Variants in NPAP1 observed in about 807,000 individuals in gnomAD.
NPAP1 encodes nuclear pore associated protein 1.
For synonymous variants in NPAP1, 616 were observed against 581.4 expected, an observed-to-expected ratio of 1.06 and a Z score of -0.86; for missense variants, 1,483 against 1,454.5, an observed-to-expected ratio of 1.02 and a Z score of -0.32.
In NPAP1 at chr15:24,679,360, TCACAC is replaced by T. The variant is rs747379281; in HGVS notation, c.*27_*31del. 1 of 1,491,310 alleles carries T rather than the reference TCACAC, an allele frequency of 6.7e-7. No homozygotes were observed. Among genetic ancestry groups the T allele is most frequent in the Non-Finnish European group, 9.3e-7 (1 of 1,074,630 alleles). 92.4% of individuals were successfully genotyped at this position (1,491,310 alleles called of 1,614,324 possible). A position where few individuals can be genotyped will look rare whatever the true frequency, so the allele number is the denominator to read the frequency against. On this transcript the variant is annotated 3_prime_UTR_variant, in exon 1 of 1. Transcript: ENST00000329468. ...GTAAGAGCACCTGTGGTTCACCTGATCACACCACATCAGTTGTGGTTGTAAATACC... is the reference window on the plus strand; with the variant it reads ...GTAAGAGCACCTGTGGTTCACCTGATCACATCAGTTGTGGTTGTAAATACC...
Position 24,677,949 on chromosome 15 carries a change from C to T in NPAP1, c.2082C>T (p.Pro694=), listed in dbSNP as rs372332991. The T allele has an allele frequency of 5.6e-6, 9 of 1,613,536 alleles. No individual in the cohort carries two copies. The highest frequency in any genetic ancestry group is 7.6e-6 in the Non-Finnish European group (9 of 1,179,942). Residue 694 remains proline, a synonymous_variant, in exon 1 of 1, where the codon CCC becomes CCT. Transcript: ENST00000329468. The part of the protein sequence containing the change: ...SASTASSSKP[P]IETNAMHTTP... ...CTACAGCATCATCATCCAAACCTCCCATTGAAACCAATGCTATGCATACCA... is the reference window on the plus strand; with the variant it reads ...CTACAGCATCATCATCCAAACCTCCTATTGAAACCAATGCTATGCATACCA...
rs1203429980 is a variant in NPAP1 at position 24,677,197 on chromosome 15, C to T, written c.1330C>T (p.Leu444Phe). ...ACCCCTCATCCTGCCTATCCCTCCA[C>T]TTTCCACCACACCAAAAATGGATGA... ...TGPLILPIPP[L>F]STTPKMDEKI... Residue 444 changes from leucine to phenylalanine, a missense_variant, in exon 1 of 1, where the codon CTT becomes TTT. Leu to Phe is a conservative substitution (Grantham distance 22, BLOSUM62 0). Coordinates refer to ENST00000329468, the MANE Select transcript of NPAP1 (RefSeq NM_018958.3). The T allele has an allele frequency of 6.2e-7, 1 of 1,614,122 alleles. No homozygotes were observed. The highest frequency in any genetic ancestry group is 8.5e-7 in the Non-Finnish European group (1 of 1,180,042).
rs755633967 is a variant in NPAP1 at position 24,679,376 on chromosome 15, G to A, written c.*38G>A. The stretch of plus-strand genomic sequence containing the variant: ...TTCACCTGATCACACCACATCAGTT[G>A]TGGTTGTAAATACCAGCATTATCCT... On this transcript the variant is annotated 3_prime_UTR_variant, in exon 1 of 1. Coordinates refer to ENST00000329468, the MANE Select transcript of NPAP1 (RefSeq NM_018958.3). 8 of 1,431,978 alleles carry A rather than the reference G, an allele frequency of 5.6e-6. No individual in the cohort carries two copies. In the Admixed American group the frequency reaches 1.4e-4, roughly 25 times the overall value. 88.7% of individuals were successfully genotyped at this position (1,431,978 alleles called of 1,614,324 possible).
In NPAP1 at chr15:24,676,810, G is replaced by T. The variant is rs552776488; in HGVS notation, c.943G>T (p.Ala315Ser). Reference sequence around the variant, plus strand: ...GCCTTTCTGTATTCCTCCAAGGAGCGCTGCTCCTCCCAGAGCTGCCCGCAA... The same window carrying T: ...GCCTTTCTGTATTCCTCCAAGGAGCTCTGCTCCTCCCAGAGCTGCCCGCAA... ...EKPFCIPPRSAAPPRAARNRP... is the reference protein window; with the variant it reads ...EKPFCIPPRSSAPPRAARNRP... The change falls in exon 1 of 1, where the codon GCT (alanine) becomes TCT (serine). Residue 315 changes from alanine to serine, a missense_variant. Transcript: ENST00000329468. 1.6e-5 allele frequency: 25 copies of T among 1,612,864 alleles called. No homozygotes were observed. The East Asian group carries it at 4.2e-4, about 27-fold the overall frequency.
In NPAP1 at chr15:24,679,255, G is replaced by C. The variant is rs2141314452; in HGVS notation, c.3388G>C (p.Glu1130Gln). 1 of 1,614,040 alleles carries C rather than the reference G, an allele frequency of 6.2e-7. No individual in the cohort carries two copies. Among genetic ancestry groups the C allele is most frequent in the Non-Finnish European group, 8.5e-7 (1 of 1,180,020 alleles). ...GTGCATCCTGCAGCACACATGGACA[G>C]AGAGAAAATTCTACACTTCAAGCAC... ...QQCILQHTWTERKFYTSSTHY... is the reference protein window; with the variant it reads ...QQCILQHTWTQRKFYTSSTHY... Residue 1130 changes from glutamate to glutamine, a missense_variant, in exon 1 of 1, where the codon GAG becomes CAG. By Grantham distance (29) the Glu-to-Gln change is conservative (BLOSUM62 2). Coordinates refer to ENST00000329468, the MANE Select transcript of NPAP1 (RefSeq NM_018958.3).
rs560584370 is a variant in NPAP1 at position 24,681,629 on chromosome 15, GC to G, written c.*2293del. 1.4e-3 allele frequency: 231 copies of G among 167,144 alleles called. 1 individual carries two copies. The highest frequency in any genetic ancestry group is 5.5e-3 in the African/African-American group (229 of 41,568). The allele number at this position is 167,144 out of a possible 1,614,324, so 10.4% of individuals were successfully genotyped here. Reference sequence around the variant, plus strand: ...ATACCAACAAGGTAACAGTCTGTAAGCCAGGAAAAGAGTCCTCACAAGAAAC... The same window carrying G: ...ATACCAACAAGGTAACAGTCTGTAAGCAGGAAAAGAGTCCTCACAAGAAAC... On this transcript the variant is annotated 3_prime_UTR_variant, in exon 1 of 1. Transcript: ENST00000329468.
At position 24,678,802 on chromosome 15, in the gene NPAP1, A is replaced by T; in HGVS notation, c.2935A>T (p.Thr979Ser). Residue 979 changes from threonine to serine, a missense_variant, in exon 1 of 1, where the codon ACT becomes TCT. Physicochemically the swap from Thr to Ser is moderately conservative, Grantham distance 58 (BLOSUM62 1). Transcript: ENST00000329468. Reference sequence around the variant, plus strand: ...TGCTTTCCCCAATGGCACAGCAAAGACTTCTGGATTTAGAATTGCCACTGG... The same window carrying T: ...TGCTTTCCCCAATGGCACAGCAAAGTCTTCTGGATTTAGAATTGCCACTGG... ...ASAFPNGTAK[T>S]SGFRIATGMP... 2.5e-6 allele frequency: 4 copies of T among 1,614,168 alleles called. No individual in the cohort carries two copies. The South Asian group carries it at 4.4e-5, about 18-fold the overall frequency.
rs372009647 is a variant in NPAP1 at position 24,678,674 on chromosome 15, T to C, written c.2807T>C (p.Leu936Pro). The C allele has an allele frequency of 6.2e-7, 1 of 1,614,204 alleles. No individual in the cohort carries two copies. Among genetic ancestry groups the C allele is most frequent in the African/African-American group, 1.3e-5 (1 of 75,066 alleles). ...TTAACATCTCCTTCAGTCCAGCCAC[T>C]GAGTGGCAGCATAATTCCACCAGGT... The part of the protein sequence containing the change: ...IGLTSPSVQP[L>P]SGSIIPPGFA... Residue 936 changes from leucine (L) to proline (P), a missense_variant, in exon 1 of 1, where the codon CTG becomes CCG. Coordinates refer to ENST00000329468, the MANE Select transcript of NPAP1 (RefSeq NM_018958.3).
At position 24,678,115 on chromosome 15, in the gene NPAP1, G is replaced by A. The variant is rs2141311877; in HGVS notation, c.2248G>A (p.Ala750Thr). The A allele has an allele frequency of 6.2e-7, 1 of 1,613,274 alleles. No homozygotes were observed. ...ASVQGSTSLP[A>T]QSVRAPATAS... ...AGTCCAAGGCTCCACCAGTTTGCCT[G>A]CACAGTCAGTCAGGGCACCAGCTAC... is the stretch of plus-strand genomic sequence containing the variant. The change falls in exon 1 of 1, where the codon GCA becomes ACA. Residue 750 changes from alanine to threonine, a missense_variant. By Grantham distance (58) the Ala-to-Thr change is moderately conservative. Transcript: ENST00000329468.
rs2141313310 is a variant in NPAP1, at chr15:24,678,726, T to C, written c.2859T>C (p.Thr953=). The change falls in exon 1 of 1, where the codon ACT becomes ACC. Residue 953 remains threonine (T), a synonymous_variant. Transcript: ENST00000329468. ...PGFAELTSPY[T]ALGTPVNAEP... ...TTGCAGAGTTAACATCACCATATAC[T>C]GCATTGGGCACACCTGTTAATGCTG... 1 of 1,614,184 alleles carries C rather than the reference T, an allele frequency of 6.2e-7. No homozygotes were observed. Among genetic ancestry groups the C allele is most frequent in the East Asian group, 2.2e-5 (1 of 44,874 alleles).
Position 24,677,309 on chromosome 15 carries a change from G to C in NPAP1, c.1442G>C (p.Gly481Ala), listed in dbSNP as rs142027848. The C allele has an allele frequency of 2.4e-5, 38 of 1,613,958 alleles. No homozygotes were observed. The African/African-American group carries it at 3.6e-4, about 15-fold the overall frequency. The change falls in exon 1 of 1, where the codon GGA (glycine) becomes GCA (alanine). Residue 481 changes from glycine (G) to alanine (A), a missense_variant. Coordinates refer to ENST00000329468, the MANE Select transcript of NPAP1 (RefSeq NM_018958.3). ...TTGGGTGATCAGTCTAATGAGAAAG[G>C]AGGCTCTTATAATTCAGTCGTAGGA... ...PILGDQSNEKGGSYNSVVGAA... is the reference protein window; with the variant it reads ...PILGDQSNEKAGSYNSVVGAA...
rs2141312982 is a variant in NPAP1, at chr15:24,678,598, G to T, written c.2731G>T (p.Asp911Tyr). 2.5e-6 allele frequency: 4 copies of T among 1,613,970 alleles called. No individual in the cohort carries two copies. Among genetic ancestry groups the T allele is most frequent in the Non-Finnish European group, 3.4e-6 (4 of 1,180,040 alleles). The change falls in exon 1 of 1, where the codon GAC (aspartate) becomes TAC (tyrosine). Residue 911 changes from aspartate to tyrosine, a missense_variant. Physicochemically the swap from Asp to Tyr is radical, Grantham distance 160 (BLOSUM62 -3). Coordinates refer to ENST00000329468, the MANE Select transcript of NPAP1 (RefSeq NM_018958.3). ...GGCCACTGATGGGCAGCAGAAGTCT[G>T]ACAGTTCTTTTATTCTGGGGAATCC... ...LGATDGQQKS[D>Y]SSFILGNPAT... is the part of the protein sequence containing the mutation.
In NPAP1 at chr15:24,677,372, G is replaced by A. The variant is rs778513450; in HGVS notation, c.1505G>A (p.Ser502Asn). The change falls in exon 1 of 1, where the codon AGC (serine) becomes AAC (asparagine). Residue 502 changes from serine to asparagine, a missense_variant. Transcript: ENST00000329468. Reference protein sequence around the residue: ...PLTSDPPTPPSSTPSFKPPVT... With the variant: ...PLTSDPPTPPNSTPSFKPPVT... ...ACTTCTGACCCCCCAACACCTCCTA[G>A]CTCCACACCCTCCTTCAAGCCTCCC... 6.2e-7 allele frequency: 1 copy of A among 1,613,948 alleles called. No individual in the cohort carries two copies. Among genetic ancestry groups the A allele is most frequent in the Non-Finnish European group, 8.5e-7 (1 of 1,179,972 alleles).
Position 24,678,075 on chromosome 15 carries a change from C to T in NPAP1, c.2208C>T (p.Ser736=), listed in dbSNP as rs758464262. 28 of 1,612,762 alleles carry T rather than the reference C, an allele frequency of 1.7e-5. No individual in the cohort carries two copies. Among genetic ancestry groups the T allele is most frequent in the Admixed American group, 8.3e-5 (5 of 59,890 alleles). ...GLPGSGNTQP[S]GNTASVQGST... Reference sequence around the variant, plus strand: ...CTGGTTCTGGGAACACACAACCCAGCGGCAACACTGCCTCAGTCCAAGGCT... The same window carrying T: ...CTGGTTCTGGGAACACACAACCCAGTGGCAACACTGCCTCAGTCCAAGGCT... The change falls in exon 1 of 1, where the codon AGC becomes AGT. Residue 736 remains serine, a synonymous_variant. Coordinates refer to ENST00000329468, the MANE Select transcript of NPAP1 (RefSeq NM_018958.3).
rs34413216 is a variant in NPAP1 at position 24,678,652 on chromosome 15, A to G, written c.2785A>G (p.Thr929Ala). The G allele has an allele frequency of 6.2e-7, 1 of 1,614,122 alleles. No individual in the cohort carries two copies. Among genetic ancestry groups the G allele is most frequent in the Middle Eastern group, 1.6e-4 (1 of 6,062 alleles). ...PATPAPVIGL[T>A]SPSVQPLSGS... Reference sequence around the variant, plus strand: ...AACCCCAGCACCAGTTATAGGCTTAACATCTCCTTCAGTCCAGCCACTGAG... The same window carrying G: ...AACCCCAGCACCAGTTATAGGCTTAGCATCTCCTTCAGTCCAGCCACTGAG... The change falls in exon 1 of 1, where the codon ACA becomes GCA. Residue 929 changes from threonine to alanine, a missense_variant. Thr to Ala is a moderately conservative substitution (Grantham distance 58, BLOSUM62 0). Transcript: ENST00000329468.
Position 24,677,102 on chromosome 15 carries a change from C to G in NPAP1, c.1235C>G (p.Pro412Arg), listed in dbSNP as rs8030741. The G allele has an allele frequency of 1.9e-6, 3 of 1,614,038 alleles. No homozygotes were observed. The highest frequency in any genetic ancestry group is 1.3e-5 in the African/African-American group (1 of 74,914). The stretch of plus-strand genomic sequence containing the variant: ...CCTGTGCAGACCACAGACTCCCTGC[C>G]CCTGACCACTTACACTTCCCAGGTC... ...SQPVQTTDSL[P>R]LTTYTSQVSA... Residue 412 changes from proline to arginine, a missense_variant, in exon 1 of 1, where the codon CCC becomes CGC. Physicochemically the swap from Pro to Arg is moderately radical, Grantham distance 103. Coordinates refer to ENST00000329468, the MANE Select transcript of NPAP1 (RefSeq NM_018958.3).
Position 24,681,375 on chromosome 15 carries a change from T to C in NPAP1, c.*2037T>C, listed in dbSNP as rs1361905561. On this transcript the variant is annotated 3_prime_UTR_variant, in exon 1 of 1. Transcript: ENST00000329468. ...GGGATGGATAGACGGATGGATAGAT[T>C]AGATGATAGATAGATAGATAGATAG... 1 of 158,002 alleles carries C rather than the reference T, an allele frequency of 6.3e-6. No individual in the cohort carries two copies. Among genetic ancestry groups the C allele is most frequent in the East Asian group, 2.0e-4 (1 of 5,078 alleles). 9.8% of individuals were successfully genotyped at this position (158,002 alleles called of 1,614,324 possible). A position where few individuals can be genotyped will look rare whatever the true frequency, so the allele number is the denominator to read the frequency against.
chr15:24,679,379 G>C lies in NPAP1; in HGVS notation c.*41G>C, dbSNP rs377402741. On this transcript the variant is annotated 3_prime_UTR_variant, in exon 1 of 1. Transcript: ENST00000329468. ...ACCTGATCACACCACATCAGTTGTG[G>C]TTGTAAATACCAGCATTATCCTTTT... is the stretch of plus-strand genomic sequence containing the variant. 7.2e-7 allele frequency: 1 copy of C among 1,389,544 alleles called. No individual in the cohort carries two copies. Among genetic ancestry groups the C allele is most frequent in the South Asian group, 1.2e-5 (1 of 80,998 alleles). 86.1% of individuals were successfully genotyped at this position (1,389,544 alleles called of 1,614,324 possible). A position where few individuals can be genotyped will look rare whatever the true frequency, so the allele number is the denominator to read the frequency against.
rs541495150 is a variant in NPAP1 at position 24,683,188 on chromosome 15, T to A, written c.*3850T>A. 1.6e-4 allele frequency: 29 copies of A among 178,438 alleles called. No homozygotes were observed. The highest frequency in any genetic ancestry group is 7.2e-4 in the South Asian group (4 of 5,518). 11.1% of individuals were successfully genotyped at this position (178,438 alleles called of 1,614,324 possible). A position where few individuals can be genotyped will look rare whatever the true frequency, so the allele number is the denominator to read the frequency against. On this transcript the variant is annotated 3_prime_UTR_variant, in exon 1 of 1. Transcript: ENST00000329468. Reference sequence around the variant, plus strand: ...TCCTTTGTTCTCCTCTACCTTTGCCTCTTTTAAAAGTTCTAAATTGCTAGC... The same window carrying A: ...TCCTTTGTTCTCCTCTACCTTTGCCACTTTTAAAAGTTCTAAATTGCTAGC...
Sources: gnomAD v4.1 joint callset for allele counts on GRCh38, gnomAD v4.1.1 for gene constraint, MANE v1.5 for transcripts, NCBI Gene and HGNC (gene_info 2026-07-23, HGNC 2026-07-21) for gene names.